Variants in XKR4 observed in about 807,000 individuals in gnomAD.
XKR4 encodes XK-related protein 4.
Under a neutral mutation model 53.9 loss-of-function variants are expected in XKR4, and 12 were observed. The ratio of observed to expected loss-of-function variants is 0.22; its 90% confidence interval spans 0.14 to 0.36. The LOEUF is 0.36. Among genes scored for constraint, XKR4 ranks in the 10% least tolerant of loss-of-function variants. XKR4 has a pLI of 1.00. For synonymous variants in XKR4, 354 were observed against 362.4 expected, an observed-to-expected ratio of 0.98 and a Z score of 0.26; for missense variants, 799 against 859.5, an observed-to-expected ratio of 0.93 and a Z score of 0.88.
chr8:55,515,162 T>C (rs895078074), intron 2 of XKR4, among the ~76,000 whole-genome samples: 1 of 152,210 alleles, frequency 6.6e-6, no homozygotes, highest in Non-Finnish European at 1.5e-5. Flanking sequence ...AGACTCACAA[T>C]TTGCCTTGCA....
intron 1 of XKR4, among the ~76,000 whole-genome samples, chr8:55,250,573 A>C (rs1408172864): frequency 6.6e-6 from 1 of 152,128 alleles, no homozygotes; most frequent in Non-Finnish European, 1.5e-5. Flanking sequence ...CATGCTTCTC[A>C]TTTCAGCTCA....
intron 1 of XKR4, among the ~76,000 whole-genome samples, chr8:55,246,940 G>A (rs367992589): frequency 1.6e-4 from 25 of 152,212 alleles, no homozygotes; most frequent in African/African-American, 5.3e-4. Context: ...CCTGGGGGCC[G>A]GCTGAGTACA....
intron 1 of XKR4, among the ~76,000 whole-genome samples, chr8:55,156,214 G>A (rs976699547): frequency 4.6e-5 from 7 of 151,922 alleles, no homozygotes; most frequent in Non-Finnish European, 1.0e-4. Context: ...TATTTGGTGG[G>A]GGGCGGGGAG....
chr8:55,435,433 AG>A (rs1295716846), intron 2 of XKR4, among the ~76,000 whole-genome samples: 10 of 152,106 alleles, frequency 6.6e-5, no homozygotes, highest in Admixed American at 6.6e-4. Flanking sequence ...ATCAGCATAA[AG>A]GGTCCAGCAT....
At chr8:55,206,665 C>A (rs1404686599) in intron 1 of XKR4, among the ~76,000 whole-genome samples, 1 of 152,178 alleles carries the variant, frequency 6.6e-6, no homozygotes, top group Admixed American at 6.5e-5. Context: ...AATATTGCCC[C>A]TGAAAAAGTT....
chr8:55,387,584 A>G (rs1269526319), intron 2 of XKR4, among the ~76,000 whole-genome samples: 1 of 152,196 alleles, frequency 6.6e-6, no homozygotes, highest in Non-Finnish European at 1.5e-5. Flanking sequence ...TAGGAAGGGT[A>G]GACCCTAGTC....
At chr8:55,405,069 A>G (rs1356120388) in intron 2 of XKR4, among the ~76,000 whole-genome samples, 1 of 152,218 alleles carries the variant, frequency 6.6e-6, no homozygotes, top group Non-Finnish European at 1.5e-5. Context: ...TGATTTAGAC[A>G]TTCTTTTAAA....
intron 1 of XKR4, among the ~76,000 whole-genome samples, chr8:55,355,307 G>A (rs577726615): frequency 1.3e-5 from 2 of 152,234 alleles, no homozygotes; most frequent in African/African-American, 4.8e-5. Context: ...ATAGAAGACG[G>A]AGAGGAGGAA....
At chr8:55,453,252 A>G in intron 2 of XKR4, 1 of 491,514 alleles carries the variant, frequency 2.0e-6, no homozygotes, top group Admixed American at 2.3e-5. Flanking sequence ...AGAGCAGCCG[A>G]GATGCCATGC....
chr8:55,125,493 C>T (rs1816452436), intron 1 of XKR4, among the ~76,000 whole-genome samples: 1 of 152,206 alleles, frequency 6.6e-6, no homozygotes, highest in Non-Finnish European at 1.5e-5. Flanking sequence ...CTTGGTCTCC[C>T]AAAGTCCTGG....
chr8:55,325,719 C>T (rs1018033609), intron 1 of XKR4, among the ~76,000 whole-genome samples: 3 of 152,046 alleles, frequency 2.0e-5, no homozygotes, highest in African/African-American at 7.2e-5. Context: ...TGGCTCACTC[C>T]CCCATCATTG....
rs752518557 is a variant in XKR4, at chr8:55,103,298, C to T, written c.806+4C>T. 3 of 1,598,960 alleles carry T rather than the reference C, an allele frequency of 1.9e-6. No homozygotes were observed. Among genetic ancestry groups the T allele is most frequent in the Admixed American group, 3.4e-5 (2 of 59,088 alleles). On this transcript the variant is annotated splice_donor_region_variant and intron_variant, in intron 1 of 2. Transcript: ENST00000327381. The stretch of plus-strand genomic sequence containing the variant: ...TGCAGCTCGGGCAAATCTGGAGGTA[C>T]TGTAATGGGTGGGGGAAAAGGGAGG...
chr8:55,211,597 T>C (rs1455391417), intron 1 of XKR4, among the ~76,000 whole-genome samples: 1 of 152,238 alleles, frequency 6.6e-6, no homozygotes, highest in Non-Finnish European at 1.5e-5. Flanking sequence ...AATTACTCCA[T>C]GGGAAAGAAT....
intron 2 of XKR4, among the ~76,000 whole-genome samples, chr8:55,364,509 T>G (rs576185520): frequency 2.2e-4 from 33 of 152,254 alleles, no homozygotes; most frequent in Non-Finnish European, 4.4e-4. Flanking sequence ...CAGGCAGGGT[T>G]GTCTGAAGTT....
intron 1 of XKR4, among the ~76,000 whole-genome samples, chr8:55,173,750 T>C (rs923051955): frequency 6.6e-6 from 1 of 152,218 alleles, no homozygotes; most frequent in Admixed American, 6.5e-5. Context: ...ATGCAAATGC[T>C]GTCCTACACT....
chr8:55,331,501 G>A (rs1260356417), intron 1 of XKR4, among the ~76,000 whole-genome samples: 4 of 151,824 alleles, frequency 2.6e-5, no homozygotes, highest in African/African-American at 7.2e-5. Flanking sequence ...CTATTTCCTT[G>A]TTCATCTTTT....
intron 2 of XKR4, among the ~76,000 whole-genome samples, chr8:55,460,775 C>T (rs889193820): frequency 6.6e-6 from 1 of 152,208 alleles, no homozygotes; most frequent in Non-Finnish European, 1.5e-5. Context: ...TCGGGTCACT[C>T]CCACCCTAAT....
At chr8:55,178,866 A>G (rs901810060) in intron 1 of XKR4, among the ~76,000 whole-genome samples, 3 of 152,162 alleles carry the variant, frequency 2.0e-5, no homozygotes, top group Non-Finnish European at 4.4e-5. Context: ...CCATGGCCCC[A>G]ACTACCTTGG....
chr8:55,331,212 T>C (rs1343047961), intron 1 of XKR4, among the ~76,000 whole-genome samples: 1 of 152,184 alleles, frequency 6.6e-6, no homozygotes. Context: ...CCTTGGGCCA[T>C]TGATTATTTA....
Sources: allele counts gnomAD v4.1 joint callset (sites outside exome capture counted in the v4.1 genomes callset), GRCh38; gene constraint gnomAD v4.1.1; transcripts MANE v1.5; gene names NCBI Gene and HGNC (gene_info 2026-07-23, HGNC 2026-07-21).